Variants in LAMB1 observed in about 807,000 individuals in gnomAD.
LAMB1 encodes the protein laminin subunit beta 1.
Under a neutral mutation model 222.3 loss-of-function variants are expected in LAMB1, and 121 were observed. The ratio of observed to expected loss-of-function variants is 0.54; its 90% confidence interval spans 0.47 to 0.63. The LOEUF is 0.63. Among genes scored for constraint, LAMB1 ranks in the 30% least tolerant of loss-of-function variants. The pLI is 0.00. For missense variants in LAMB1, 2,172 were observed against 2,240.8 expected, an observed-to-expected ratio of 0.97 and a Z score of 0.62; for synonymous variants, 794 against 807.2, an observed-to-expected ratio of 0.98 and a Z score of 0.28.
At chr7:107,942,176 G>A (rs1036752662) in intron 24 of LAMB1, 3 of 152,290 alleles carry the variant, frequency 2.0e-5, no homozygotes, top group Admixed American at 6.5e-5. Context: ...ATTTTTAGTA[G>A]AGACGGGGTT....
chr7:107,928,629 A>G (rs552109694), intron 31 of LAMB1, among the ~76,000 whole-genome samples: 1 of 152,154 alleles, frequency 6.6e-6, no homozygotes, highest in South Asian at 2.1e-4. Flanking sequence ...GGTAGCTGGG[A>G]CTACAGGCAC....
At chr7:107,969,287 C>CAAAA (rs367658684) in intron 13 of LAMB1, among the ~76,000 whole-genome samples, 3 of 85,920 alleles carry the variant, frequency 3.5e-5, no homozygotes, top group African/African-American at 1.0e-4. Flanking sequence ...GACTCCGTCT[C>CAAAA]AAAAAAAAAA....
intron 12 of LAMB1, among the ~76,000 whole-genome samples, chr7:107,973,360 T>C (rs575467821): frequency 9.8e-5 from 15 of 152,318 alleles, no homozygotes; most frequent in Middle Eastern, 3.4e-3. Context: ...GCAGTAAAGA[T>C]ACCAATTTTC....
intron 30 of LAMB1, 97 bp downstream of exon 30, chr7:107,929,315 A>G: frequency 2.7e-6 from 4 of 1,498,314 alleles, no homozygotes; most frequent in South Asian, 1.1e-5. Context: ...AGAGACTCGC[A>G]TAGGTCCTTC....
chr7:107,961,539 T>C lies in LAMB1; in HGVS notation c.1985+10A>G. 6.2e-7 allele frequency: 1 copy of C among 1,609,462 alleles called. No homozygotes were observed. The highest frequency in any genetic ancestry group is 1.1e-5 in the South Asian group (1 of 90,882). On this transcript the variant is annotated intron_variant, in intron 16 of 33. Coordinates refer to ENST00000222399, the MANE Select transcript of LAMB1 (RefSeq NM_002291.3). ...AGCCCGTTGAGCTGCCAAACCACCG[T>C]CACACTGACCTTGAGCCTGGTGATA...
At chr7:107,975,659 C>T in intron 10 of LAMB1, 30 bp downstream of exon 10, 2 of 1,586,030 alleles carry the variant, frequency 1.3e-6, no homozygotes, top group African/African-American at 1.3e-5. Flanking sequence ...GAAGTAGGTC[C>T]CACACAGTGA....
At chr7:107,932,879 G>A (rs1562975046) in intron 27 of LAMB1, among the ~76,000 whole-genome samples, 1 of 152,136 alleles carries the variant, frequency 6.6e-6, no homozygotes, top group Non-Finnish European at 1.5e-5. Context: ...ACATAAAATA[G>A]CCAAGAATAG....
At chr7:107,929,313 G>A (rs920407803) in intron 30 of LAMB1, 99 bp downstream of exon 30, 31 of 1,490,898 alleles carry the variant, frequency 2.1e-5, no homozygotes, top group Admixed American at 1.2e-4. Flanking sequence ...AGAGAGACTC[G>A]CATAGGTCCT....
chr7:107,987,071 A>G (rs1246335734), intron 5 of LAMB1, among the ~76,000 whole-genome samples: 1 of 152,276 alleles, frequency 6.6e-6, no homozygotes, highest in Non-Finnish European at 1.5e-5. Flanking sequence ...TCAACTGATG[A>G]AGATAAACAA....
intron 24 of LAMB1, among the ~76,000 whole-genome samples, chr7:107,947,888 C>T (rs1174794966): frequency 1.3e-5 from 2 of 152,046 alleles, no homozygotes; most frequent in East Asian, 1.9e-4. Context: ...TCCAAATGTC[C>T]CCACCCCAGC....
At chr7:107,986,141 G>C (rs1231097940) in intron 6 of LAMB1, 34 bp downstream of exon 6, 3 of 1,610,176 alleles carry the variant, frequency 1.9e-6, no homozygotes, top group East Asian at 4.5e-5. Flanking sequence ...AAGTAGATTT[G>C]CAAGTAGAAT....
chr7:107,940,667 A>G (rs537661360), intron 24 of LAMB1: 3 of 314,498 alleles, frequency 9.5e-6, no homozygotes, highest in African/African-American at 6.2e-5. Context: ...AGATGTGGGA[A>G]CTCAGAGATC....
At chr7:107,954,251 C>T (rs927238960) in intron 21 of LAMB1, among the ~76,000 whole-genome samples, 2 of 152,020 alleles carry the variant, frequency 1.3e-5, no homozygotes, top group Admixed American at 6.6e-5. Context: ...AATTTCCGGG[C>T]TCAAGGAATT....
intron 31 of LAMB1, among the ~76,000 whole-genome samples, 176 bp downstream of exon 31, chr7:107,928,888 T>C (rs1210212733): frequency 1.3e-5 from 2 of 152,228 alleles, no homozygotes; most frequent in Non-Finnish European, 2.9e-5. Context: ...TTTTATTCCT[T>C]GAAAACCTAT....
intron 13 of LAMB1, among the ~76,000 whole-genome samples, chr7:107,969,293 A>T (rs1042074483): frequency 6.6e-6 from 1 of 152,156 alleles, no homozygotes; most frequent in African/African-American, 2.4e-5. Flanking sequence ...GTCTCAAAAA[A>T]AAAAAAAAAA....
Position 108,003,104 on chromosome 7 carries a change from T to G in LAMB1, c.-87+7A>C. 1 of 1,019,224 alleles carries G rather than the reference T, an allele frequency of 9.8e-7. No individual in the cohort carries two copies. Among genetic ancestry groups the G allele is most frequent in the Non-Finnish European group, 1.4e-6 (1 of 734,658 alleles). The allele number at this position is 1,019,224 out of a possible 1,614,324, so 63.1% of individuals were successfully genotyped here. On this transcript the variant is annotated splice_region_variant and intron_variant, in intron 1 of 33. Transcript: ENST00000222399. ...GGAAAATCGTGCAGCCACTTTGTTC[T>G]CCTCACCCGGCGACGCGAGCTCTCG...
chr7:107,979,548 T>TA, intron 8 of LAMB1, among the ~76,000 whole-genome samples: 1 of 152,320 alleles, frequency 6.6e-6, no homozygotes, highest in East Asian at 1.9e-4. Flanking sequence ...GGTGATCTCA[T>TA]AAGTCCTATC....
intron 31 of LAMB1, 133 bp downstream of exon 31, chr7:107,928,931 G>A (rs940594283): frequency 4.6e-5 from 39 of 853,826 alleles, no homozygotes; most frequent in Non-Finnish European, 6.8e-5. Flanking sequence ...TGCTAACGGA[G>A]TAGTTTAGAT....
At chr7:107,940,770 T>G (rs577342554) in intron 24 of LAMB1, among the ~76,000 whole-genome samples, 163 of 152,302 alleles carry the variant, frequency 1.1e-3, no homozygotes, top group Non-Finnish European at 2.0e-3. Context: ...GAGTCTATAC[T>G]CTTCACCTCC....
Sources: allele counts gnomAD v4.1 joint callset (sites outside exome capture counted in the v4.1 genomes callset), GRCh38; gene constraint gnomAD v4.1.1; transcripts MANE v1.5; gene names NCBI Gene and HGNC (gene_info 2026-07-23, HGNC 2026-07-21).